Variants in ASPH observed in about 807,000 individuals in gnomAD.
The protein encoded by ASPH is aspartyl/asparaginyl beta-hydroxylase.
ASPH carries 100 observed loss-of-function variants against 118.4 expected under a neutral mutation model. That is an observed-to-expected ratio of 0.84 (90% CI 0.72 to 1.00). ASPH has a LOEUF of 1.00. Among genes scored for constraint, ASPH ranks in the 50% least tolerant of loss-of-function variants. ASPH has a pLI of 0.00. For synonymous variants in ASPH, 315 were observed against 325.6 expected (o/e 0.97, Z 0.35); for missense variants, 920 against 919.5 (o/e 1.00, Z -0.01).
At chr8:61,638,260 G>C in intron 11 of ASPH, 62 bp downstream of exon 11, 1 of 1,563,436 alleles carries the variant, frequency 6.4e-7, no homozygotes, top group Non-Finnish European at 8.7e-7. Flanking sequence ...ACAGGTAGGA[G>C]TTTTAACAAA....
chr8:61,668,126 G>T, intron 3 of ASPH: 2 of 1,110,476 alleles, frequency 1.8e-6, no homozygotes, highest in Non-Finnish European at 2.6e-6. Context: ...AGACCCAAAA[G>T]CAATAGTGTT....
At position 61,653,621 on chromosome 8, in the gene ASPH, G is replaced by A; in HGVS notation, c.362C>T (p.Pro121Leu). Reference protein sequence around the residue: ...ERSTSEPAVPPEEAEPHTEPE... With the variant: ...ERSTSEPAVPLEEAEPHTEPE... Reference sequence around the variant, plus strand: ...CTCAGTGTGTGGCTCAGCCTCTTCTGGCGGGACTGCTGGCTCTGAAGTAGA... The same window carrying A: ...CTCAGTGTGTGGCTCAGCCTCTTCTAGCGGGACTGCTGGCTCTGAAGTAGA... Residue 121 changes from proline (P) to leucine (L), a missense_variant, in exon 4 of 25, where the codon CCA becomes CTA. By Grantham distance (98) the Pro-to-Leu change is moderately conservative. Transcript: ENST00000379454. 4.3e-6 allele frequency: 7 copies of A among 1,613,912 alleles called. No homozygotes were observed. Among genetic ancestry groups the A allele is most frequent in the Non-Finnish European group, 5.9e-6 (7 of 1,179,962 alleles).
chr8:61,581,769 C>T (rs1315658538), intron 15 of ASPH, among the ~76,000 whole-genome samples: 1 of 152,146 alleles, frequency 6.6e-6, no homozygotes, highest in Non-Finnish European at 1.5e-5. Context: ...TCAAAAATCA[C>T]TTACAATGCT....
intron 3 of ASPH, among the ~76,000 whole-genome samples, chr8:61,654,907 G>A (rs551894096): frequency 4.5e-4 from 69 of 152,312 alleles, no homozygotes; most frequent in Non-Finnish European, 8.8e-4. Flanking sequence ...TCAGGGAGGA[G>A]GGGGTAGAGA....
At chr8:61,610,226 ATTG>A (rs1384979589) in intron 14 of ASPH, among the ~76,000 whole-genome samples, 1 of 152,200 alleles carries the variant, frequency 6.6e-6, no homozygotes, top group Non-Finnish European at 1.5e-5. Flanking sequence ...AGAATTTGCT[ATTG>A]TTGTCCTGTG....
chr8:61,527,706 A>T (rs1453313058), intron 21 of ASPH, among the ~76,000 whole-genome samples: 2 of 152,080 alleles, frequency 1.3e-5, no homozygotes, highest in African/African-American at 4.8e-5. Context: ...GAGATGACAA[A>T]GGCCAAAACT....
intron 4 of ASPH, 68 bp downstream of exon 4, chr8:61,653,500 C>T: frequency 6.9e-7 from 1 of 1,456,924 alleles, no homozygotes; most frequent in South Asian, 1.2e-5. Context: ...AAACGTGATT[C>T]TGTAAATGCG....
chr8:61,581,219 T>A (rs1177437404), intron 15 of ASPH, among the ~76,000 whole-genome samples: 1 of 152,244 alleles, frequency 6.6e-6, no homozygotes, highest in East Asian at 1.9e-4. Context: ...GCAAAGTAAA[T>A]GTGTTTGCTT....
At chr8:61,693,088 A>C (rs1833037036) in intron 1 of ASPH, among the ~76,000 whole-genome samples, 1 of 151,470 alleles carries the variant, frequency 6.6e-6, no homozygotes. Context: ...TGACTTTCCC[A>C]CTCCCACCCC....
intron 21 of ASPH, among the ~76,000 whole-genome samples, chr8:61,546,552 A>G (rs1586856145): frequency 6.6e-6 from 1 of 152,192 alleles, no homozygotes; most frequent in African/African-American, 2.4e-5. Context: ...TGGATATGGA[A>G]CTTTAAAAAA....
chr8:61,668,153 A>C, intron 3 of ASPH: 7 of 1,391,232 alleles, frequency 5.0e-6, no homozygotes, highest in Non-Finnish European at 7.1e-6. Flanking sequence ...TAGTAGCAAT[A>C]TTAACATTCC....
chr8:61,641,362 G>A (rs936816845), intron 10 of ASPH, among the ~76,000 whole-genome samples: 4 of 151,978 alleles, frequency 2.6e-5, no homozygotes, highest in Admixed American at 1.3e-4. Context: ...TAGAAATGAG[G>A]AAAATATCTC....
At chr8:61,702,309 G>C (rs1320720498) in intron 1 of ASPH, among the ~76,000 whole-genome samples, 1 of 123,794 alleles carries the variant, frequency 8.1e-6, no homozygotes, top group Non-Finnish European at 1.6e-5. Context: ...TTTTTTGACA[G>C]AGTCTCGCTC....
At chr8:61,556,126 T>A in intron 18 of ASPH, 104 bp from the exon 19 acceptor site, 1 of 911,174 alleles carries the variant, frequency 1.1e-6, no homozygotes, top group Non-Finnish European at 1.7e-6. Context: ...AGCTTTGTTG[T>A]ACTTGGATTG....
At chr8:61,617,794 G>T (rs113262342) in intron 14 of ASPH, among the ~76,000 whole-genome samples, 2 of 151,696 alleles carry the variant, frequency 1.3e-5, no homozygotes, top group Non-Finnish European at 1.5e-5. Context: ...ATTAGTTGGC[G>T]TGGTGGCATG....
chr8:61,676,131 G>A, intron 3 of ASPH: 1 of 1,599,418 alleles, frequency 6.3e-7, no homozygotes. Context: ...CCTTCATTCT[G>A]TGACGTACCA....
intron 1 of ASPH, among the ~76,000 whole-genome samples, chr8:61,689,145 T>C (rs1831738579): frequency 6.6e-6 from 1 of 152,206 alleles, no homozygotes; most frequent in Admixed American, 6.5e-5. Flanking sequence ...AGTTAAAGAA[T>C]ACTTCAAAGT....
chr8:61,688,555 T>A lies in ASPH; in HGVS notation c.104-4367A>T, dbSNP rs544352024. Among the ~76,000 whole-genome samples, 6 of 152,320 alleles carry A rather than the reference T, an allele frequency of 3.9e-5. No individual in the cohort carries two copies. In the East Asian group the frequency reaches 7.7e-4, roughly 20 times the overall value. The stretch of plus-strand genomic sequence containing the variant: ...GCTACTTCACTGGCCTACTACTAAC[T>A]GAATTATAGATCATTTATAAGTTTT... On this transcript the variant is annotated intron_variant, in intron 1 of 24. Transcript: ENST00000379454.
At chr8:61,606,435 C>A (rs528078007) in intron 14 of ASPH, 144 of 152,246 alleles carry the variant, frequency 9.5e-4, no homozygotes, top group African/African-American at 3.3e-3. Context: ...TAAAGGGTAT[C>A]AATTAAAGGC....
Sources: gnomAD v4.1 joint callset for allele counts (sites outside exome capture counted in the v4.1 genomes callset) on GRCh38, gnomAD v4.1.1 for gene constraint, MANE v1.5 for transcripts, NCBI Gene and HGNC (gene_info 2026-07-23, HGNC 2026-07-21) for gene names.